CTIF: variants seen among roughly 807,000 people sequenced by gnomAD.
CTIF encodes the protein cap binding complex dependent translation initiation factor.
In CTIF, 21 loss-of-function variants were observed where a neutral mutation model predicts 66.0. That is an observed-to-expected ratio of 0.32 (90% confidence interval 0.23 to 0.46). CTIF has a LOEUF of 0.46. CTIF is among the 20% of genes least tolerant of loss of function. The probability of loss-of-function intolerance (pLI) is 1.00; values close to 1 mark genes in which losing one functional copy is unlikely to be tolerated. For missense variants in CTIF, 739 were observed against 812.7 expected (o/e 0.91, Z 1.10); for synonymous variants, 345 against 326.4 (o/e 1.06, Z -0.62).
At chr18:48,829,913 T>G (rs2068655679) in intron 10 of CTIF, among the ~76,000 whole-genome samples, 1 of 152,218 alleles carries the variant, frequency 6.6e-6, no homozygotes, top group African/African-American at 2.4e-5. Flanking sequence ...TTCTCCTCCC[T>G]TCTGTCCACC....
intron 6 of CTIF, among the ~76,000 whole-genome samples, chr18:48,705,303 G>A (rs1238159803): frequency 6.6e-6 from 1 of 152,084 alleles, no homozygotes; most frequent in South Asian, 2.1e-4. Flanking sequence ...GCACTCCTGG[G>A]CTTGTGTCTG....
At chr18:48,792,510 C>A (rs1458321828) in intron 9 of CTIF, among the ~76,000 whole-genome samples, 5 of 152,132 alleles carry the variant, frequency 3.3e-5, no homozygotes, top group African/African-American at 1.2e-4. Context: ...GGGATACCAG[C>A]CTGGAGCCTT....
intron 7 of CTIF, among the ~76,000 whole-genome samples, chr18:48,740,639 G>A (rs894731172): frequency 9.9e-5 from 15 of 152,196 alleles, no homozygotes; most frequent in Non-Finnish European, 1.9e-4. Context: ...CACTCAGGAT[G>A]TCCTGGGCTA....
intron 10 of CTIF, among the ~76,000 whole-genome samples, chr18:48,856,855 A>C (rs1451585718): frequency 6.6e-6 from 1 of 152,252 alleles, no homozygotes; most frequent in Non-Finnish European, 1.5e-5. Flanking sequence ...TTCTGGGGAT[A>C]TCCTAAAAAG....
chr18:48,810,369 C>G (rs1352208791), intron 9 of CTIF, among the ~76,000 whole-genome samples: 1 of 152,020 alleles, frequency 6.6e-6, no homozygotes, highest in South Asian at 2.1e-4. Context: ...TGACCACATC[C>G]CACAAGTTTT....
intron 1 of CTIF, among the ~76,000 whole-genome samples, chr18:48,605,270 C>T (rs1270563236): frequency 6.6e-6 from 1 of 152,230 alleles, no homozygotes; most frequent in East Asian, 1.9e-4. Context: ...ACTCCAGTTG[C>T]TCCACATCCT....
At chr18:48,585,883 C>A (rs2089757012) in intron 1 of CTIF, among the ~76,000 whole-genome samples, 1 of 152,162 alleles carries the variant, frequency 6.6e-6, no homozygotes, top group Admixed American at 6.5e-5. Context: ...CATATAGATT[C>A]TTTTCTGATG....
chr18:48,683,645 A>G (rs2091785467), intron 6 of CTIF, among the ~76,000 whole-genome samples: 1 of 152,032 alleles, frequency 6.6e-6, no homozygotes, highest in East Asian at 1.9e-4. Flanking sequence ...GTTCAGGAGG[A>G]AGCTCTGCCT....
At chr18:48,568,633 T>TAAAAAAAAAAAAAGAAAAAAAAAAAA (rs2089332245) in intron 1 of CTIF, among the ~76,000 whole-genome samples, 3 of 36,622 alleles carry the variant, frequency 8.2e-5, no homozygotes, top group Admixed American at 3.6e-4. Flanking sequence ...GGGCAATTTG[T>TAAAAAAAAAAAAAGAAAAAAAAAAAA]AAAAAAAAAA....
At chr18:48,578,156 A>AT (rs368104923) in intron 1 of CTIF, among the ~76,000 whole-genome samples, 3,026 of 149,100 alleles carry the variant, frequency 0.02, 103 homozygotes, top group African/African-American at 0.069. Flanking sequence ...TCAGCTCTTC[A>AT]TTTTTTTTTT....
chr18:48,587,520 C>T (rs1056036842), intron 1 of CTIF, among the ~76,000 whole-genome samples: 1 of 152,208 alleles, frequency 6.6e-6, no homozygotes, highest in Non-Finnish European at 1.5e-5. Flanking sequence ...CTGGTCTGTG[C>T]TGTGGCATGC....
intron 10 of CTIF, among the ~76,000 whole-genome samples, chr18:48,829,955 G>A (rs1599123460): frequency 6.6e-6 from 1 of 152,292 alleles, no homozygotes; most frequent in South Asian, 2.1e-4. Context: ...GCTCCTTCTT[G>A]ATGGCTCTGC....
chr18:48,688,080 A>G (rs1192292535), intron 6 of CTIF, among the ~76,000 whole-genome samples: 1 of 152,254 alleles, frequency 6.6e-6, no homozygotes, highest in Non-Finnish European at 1.5e-5. Context: ...CCTTAAGGAA[A>G]GTCAAGACAG....
Position 48,761,306 on chromosome 18 carries a change from T to G in CTIF, c.1072-84T>G. On this transcript the variant is annotated intron_variant, in intron 8 of 11. Coordinates refer to ENST00000256413, the MANE Select transcript of CTIF (RefSeq NM_014772.3). The surrounding 1 kb of genome is among the most constrained non-coding windows in gnomAD (Gnocchi z 4.2). ...TAGGCCTGGTCCTGCTTTCTGGGGG[T>G]GGCCACCCTCTTTCCACCAGGCCAC... is the stretch of plus-strand genomic sequence containing the variant. The G allele has an allele frequency of 7.3e-7, 1 of 1,361,932 alleles. No homozygotes were observed. The highest frequency in any genetic ancestry group is 1.0e-6 in the Non-Finnish European group (1 of 989,670). 84.4% of individuals were successfully genotyped at this position (1,361,932 alleles called of 1,614,324 possible).
intron 9 of CTIF, among the ~76,000 whole-genome samples, chr18:48,787,928 A>G (rs1168044734): frequency 6.6e-6 from 1 of 152,188 alleles, no homozygotes; most frequent in Non-Finnish European, 1.5e-5. Flanking sequence ...GAGGTCTGGC[A>G]GTCCTCTGCG....
chr18:48,672,268 G>C, intron 6 of CTIF, among the ~76,000 whole-genome samples: 1 of 151,932 alleles, frequency 6.6e-6, no homozygotes, highest in Non-Finnish European at 1.5e-5. Flanking sequence ...AAATAGGGCT[G>C]GCTGGTTCAC....
At chr18:48,661,298 G>A (rs980031177) in intron 3 of CTIF, among the ~76,000 whole-genome samples, 3 of 152,242 alleles carry the variant, frequency 2.0e-5, no homozygotes, top group African/African-American at 7.2e-5. Flanking sequence ...TGGAGGAGAG[G>A]CTTCAGGTCA....
chr18:48,651,011 G>C (rs896901913), intron 3 of CTIF, among the ~76,000 whole-genome samples: 3 of 152,102 alleles, frequency 2.0e-5, no homozygotes. Context: ...ACGTGGAAAG[G>C]AACACCCAGT....
At position 48,636,611 on chromosome 18, in the gene CTIF, C is replaced by T; in HGVS notation, c.181-3C>T. 6.4e-7 allele frequency: 1 copy of T among 1,562,666 alleles called. No homozygotes were observed. ...TCACTGATCGCTCCTTTCTGTTCTG[C>T]AGTGGACAGCGGACTGCAGCGAACC... is the stretch of plus-strand genomic sequence containing the variant. On this transcript the variant is annotated splice_region_variant and splice_polypyrimidine_tract_variant and intron_variant, in intron 2 of 11. Transcript: ENST00000256413.
Sources: gnomAD v4.1 joint callset for allele counts (sites outside exome capture counted in the v4.1 genomes callset) on GRCh38, gnomAD v4.1.1 for gene constraint, Gnocchi (gnomAD v3.1) non-coding constraint, MANE v1.5 for transcripts, NCBI Gene and HGNC (gene_info 2026-07-23, HGNC 2026-07-21) for gene names.